RBM47: variants seen among roughly 807,000 people sequenced by gnomAD.
RBM47 encodes RNA binding motif protein 47.
Under a neutral mutation model 47.1 loss-of-function variants are expected in RBM47, and 21 were observed. The observed-to-expected ratio is 0.45, with a 90% CI of 0.32 to 0.64. RBM47 has a LOEUF of 0.64. Ranked by LOEUF, RBM47 falls within the 30% of genes least tolerant of loss-of-function variation. The probability of loss-of-function intolerance (pLI) is 0.05; values close to 1 mark genes in which losing one functional copy is unlikely to be tolerated. For missense variants in RBM47, 708 were observed against 870.9 expected, an observed-to-expected ratio of 0.81 and a Z score of 2.35; for synonymous variants, 375 against 361.7, an observed-to-expected ratio of 1.04 and a Z score of -0.42.
At chr4:40,520,639 T>C (rs1177613101) in intron 2 of RBM47, among the ~76,000 whole-genome samples, 1 of 152,210 alleles carries the variant, frequency 6.6e-6, no homozygotes, top group Non-Finnish European at 1.5e-5. Context: ...TCTTCCGGAA[T>C]CTTCCAAAGG....
At position 40,443,936 on chromosome 4, in the gene RBM47, C is replaced by T. The variant is rs76506255; in HGVS notation, c.-31-5012G>A. On this transcript the variant is annotated intron_variant, in intron 3 of 6. Transcript: ENST00000295971. ...AAATGAGGCTGGGCTCAGTGGCTCACGCCTGTAATTCTGGCACTTTGGGCG... is the reference window on the plus strand; with the variant it reads ...AAATGAGGCTGGGCTCAGTGGCTCATGCCTGTAATTCTGGCACTTTGGGCG... Among the ~76,000 whole-genome samples, 300 of 152,122 alleles carry T rather than the reference C, an allele frequency of 2.0e-3. 9 individuals are homozygous for T. The East Asian group carries it at 0.051, about 26-fold the overall frequency.
intron 1 of RBM47, among the ~76,000 whole-genome samples, chr4:40,582,595 T>C (rs1733061190): frequency 6.6e-6 from 1 of 152,108 alleles, no homozygotes; most frequent in South Asian, 2.1e-4. Flanking sequence ...TCACTACCAA[T>C]AGTCAGCAAA....
At chr4:40,577,260 A>G (rs1732427661) in intron 1 of RBM47, among the ~76,000 whole-genome samples, 1 of 152,170 alleles carries the variant, frequency 6.6e-6, no homozygotes, top group Admixed American at 6.5e-5. Context: ...GCTGAACCCC[A>G]TCTAGCCAAT....
At chr4:40,445,316 C>T (rs1225125893) in intron 3 of RBM47, among the ~76,000 whole-genome samples, 1 of 151,892 alleles carries the variant, frequency 6.6e-6, no homozygotes, top group Non-Finnish European at 1.5e-5. Flanking sequence ...AGCTGCCTTT[C>T]CCCCTCTTCC....
rs1355181733 is a variant in RBM47 at position 40,512,680 on chromosome 4, A to T, written c.-155+31742T>A. ...CAGTGAGCCGAGATTGTGCCACTGCACTCCAGCCTGGGTGACAGAGTGAGA... is the reference window on the plus strand; with the variant it reads ...CAGTGAGCCGAGATTGTGCCACTGCTCTCCAGCCTGGGTGACAGAGTGAGA... On this transcript the variant is annotated intron_variant, in intron 2 of 6. Transcript: ENST00000295971. 2.7e-5 allele frequency among the ~76,000 whole-genome samples: 4 copies of T among 149,370 alleles called. No homozygotes were observed. In the Admixed American group the frequency reaches 2.7e-4, roughly 10 times the overall value.
chr4:40,621,896 C>A (rs1374908994), intron 1 of RBM47, among the ~76,000 whole-genome samples: 1 of 152,200 alleles, frequency 6.6e-6, no homozygotes, highest in Non-Finnish European at 1.5e-5. Flanking sequence ...AGTCATCAGC[C>A]TCCATCAAGG....
In RBM47 at chr4:40,431,671, A is replaced by AAAAAAAG. The variant is rs1553876270; in HGVS notation, c.1542+979_1542+980insCTTTTTT. ...AGACTCCGTCTAAAAAAAAAAAAAA[A>AAAAAAAG]AGAGAGAGAAAATTTATCTAGGAGG... is the stretch of plus-strand genomic sequence containing the variant. On this transcript the variant is annotated intron_variant, in intron 6 of 6. Coordinates refer to ENST00000295971, the MANE Select transcript of RBM47 (RefSeq NM_001098634.2). 1.4e-5 allele frequency among the ~76,000 whole-genome samples: 2 copies of AAAAAAAG among 143,494 alleles called. 1 individual carries two copies. The highest frequency in any genetic ancestry group is 3.0e-5 in the Non-Finnish European group (2 of 66,168). The allele number at this position is 143,494 out of a possible 152,430, so 94.1% of individuals were successfully genotyped here.
chr4:40,425,233 A>C lies in RBM47; in HGVS notation c.*671T>G, dbSNP rs73231731. The C allele has an allele frequency of 6.5e-6, 1 of 152,684 alleles. No homozygotes were observed. Among genetic ancestry groups the C allele is most frequent in the Non-Finnish European group, 1.5e-5 (1 of 68,074 alleles). The allele number at this position is 152,684 out of a possible 1,614,324, so 9.5% of individuals were successfully genotyped here. A position where few individuals can be genotyped will look rare whatever the true frequency, so the allele number is the denominator to read the frequency against. ...GGAGAGCTTTCCAGTGTTTGGACTC[A>C]GAAGTGCGGCAAGTCTTTTCAATGT... On this transcript the variant is annotated 3_prime_UTR_variant, in exon 7 of 7. Transcript: ENST00000295971.
intron 1 of RBM47, among the ~76,000 whole-genome samples, chr4:40,576,853 C>CTGA (rs57120394): frequency 0.037 from 5,651 of 152,040 alleles, 292 homozygotes; most frequent in African/African-American, 0.1. Flanking sequence ...CACAGAAATC[C>CTGA]TGATGATGAT....
intron 3 of RBM47, among the ~76,000 whole-genome samples, chr4:40,456,838 A>G (rs1219400556): frequency 1.3e-5 from 2 of 151,860 alleles, no homozygotes; most frequent in Non-Finnish European, 2.9e-5. Context: ...GGCTCAAGCA[A>G]TCCTCCTGCC....
chr4:40,474,824 T>C (rs1026332170), intron 2 of RBM47, among the ~76,000 whole-genome samples: 2 of 152,202 alleles, frequency 1.3e-5, no homozygotes, highest in Admixed American at 6.5e-5. Flanking sequence ...ATAAAAAGTA[T>C]AAGAATATGC....
At chr4:40,556,300 T>G (rs1275051815) in intron 1 of RBM47, among the ~76,000 whole-genome samples, 3 of 152,092 alleles carry the variant, frequency 2.0e-5, no homozygotes, top group East Asian at 3.9e-4. Flanking sequence ...CCTCCCAAAG[T>G]GCTGGGATTA....
intron 1 of RBM47, among the ~76,000 whole-genome samples, chr4:40,569,044 CAGACAGA>C (rs1731418212): frequency 6.7e-6 from 1 of 149,688 alleles, no homozygotes; most frequent in African/African-American, 2.5e-5. Context: ...GACAGACAGA[CAGACAGA>C]TAGATAGATA....
chr4:40,438,150 G>C lies in RBM47; in HGVS notation c.744C>G (p.Leu248=). Residue 248 remains leucine (L), a synonymous_variant, in exon 4 of 7, where the codon CTC becomes CTG. Coordinates refer to ENST00000295971, the MANE Select transcript of RBM47 (RefSeq NM_001098634.2). ...TCTCGATCATGAGGTTGCGCACGTA[G>C]AGGATCTTCACGGTCTCCATCACGT... ...DEDVMETVKI[L]YVRNLMIETT... The C allele has an allele frequency of 6.2e-7, 1 of 1,612,548 alleles. No homozygotes were observed. The highest frequency in any genetic ancestry group is 8.5e-7 in the Non-Finnish European group (1 of 1,180,016).
At chr4:40,629,979 A>G (rs1229172788), upstream of RBM47, 5 of 151,174 alleles carry the variant, frequency 3.3e-5, no homozygotes, top group Non-Finnish European at 7.4e-5. Flanking sequence ...TAAACTCACC[A>G]AACCAGATTT....
intron 2 of RBM47, among the ~76,000 whole-genome samples, chr4:40,540,277 GAAATA>G (rs1006390678): frequency 3.3e-5 from 5 of 151,976 alleles, no homozygotes; most frequent in South Asian, 2.1e-4. Flanking sequence ...ATTTGTCAAT[GAAATA>G]AAATAAAATT....
At chr4:40,505,935 T>C (rs1038695267) in intron 2 of RBM47, among the ~76,000 whole-genome samples, 1 of 151,994 alleles carries the variant, frequency 6.6e-6, no homozygotes. Context: ...AAAAACTTAC[T>C]TGTCATTTTA....
intron 1 of RBM47, among the ~76,000 whole-genome samples, chr4:40,610,610 C>CA (rs34149753): frequency 0.16 from 8,409 of 52,142 alleles, 537 homozygotes; most frequent in East Asian, 0.2. Flanking sequence ...GACTCCATCT[C>CA]AAAAAAAAAA....
In RBM47 at chr4:40,561,355, A is replaced by T. The variant is rs371320480; in HGVS notation, c.-239-16849T>A. Among the ~76,000 whole-genome samples the T allele has an allele frequency of 4.7e-5, 7 of 148,796 alleles. No individual in the cohort carries two copies. In the East Asian group the frequency reaches 1.4e-3, roughly 30 times the overall value. ...CAAGCGATTCTCCGGCCTCAGCATC[A>T]TAAGTAGCTCGGATTACAGGCATGC... is the stretch of plus-strand genomic sequence containing the variant. On this transcript the variant is annotated intron_variant, in intron 1 of 6. Transcript: ENST00000295971.
Sources: allele counts gnomAD v4.1 joint callset (sites outside exome capture counted in the v4.1 genomes callset), GRCh38; gene constraint gnomAD v4.1.1; transcripts MANE v1.5; gene names NCBI Gene and HGNC (gene_info 2026-07-23, HGNC 2026-07-21).